NRDC: variants seen among roughly 807,000 people sequenced by gnomAD.
The protein encoded by NRDC is nardilysin.
NRDC carries 54 observed loss-of-function variants against 147.1 expected under a neutral mutation model. The ratio of observed to expected loss-of-function variants is 0.37; its 90% CI spans 0.29 to 0.46. The LOEUF (loss-of-function observed/expected upper bound fraction) is 0.46. Ranked by LOEUF, NRDC falls within the 20% of genes least tolerant of loss-of-function variation. The pLI, the probability that NRDC is intolerant of heterozygous loss-of-function variation, is 1.00. For missense variants in NRDC, 1,082 were observed against 1,370.6 expected, an observed-to-expected ratio of 0.79 and a Z score of 3.33; for synonymous variants, 440 against 482.1, an observed-to-expected ratio of 0.91 and a Z score of 1.14.
chr1:51,847,754 A>T (rs1309031088), intron 1 of NRDC, among the ~76,000 whole-genome samples: 1 of 151,812 alleles, frequency 6.6e-6, no homozygotes, highest in African/African-American at 2.4e-5. Flanking sequence ...CTCTCCCTCC[A>T]CACCTCCCCG....
intron 4 of NRDC, among the ~76,000 whole-genome samples, chr1:51,830,594 T>C (rs188856194): frequency 6.6e-6 from 1 of 152,226 alleles, no homozygotes; most frequent in African/African-American, 2.4e-5. Flanking sequence ...ATCTAGGCTA[T>C]AACTACTCAG....
intron 9 of NRDC, among the ~76,000 whole-genome samples, chr1:51,818,740 C>T (rs1437526731): frequency 6.6e-6 from 1 of 151,466 alleles, no homozygotes; most frequent in African/African-American, 2.4e-5. Context: ...AGACTGGTAA[C>T]GGGGTGAAGA....
chr1:51,815,754 A>C (rs1679941151), intron 11 of NRDC, among the ~76,000 whole-genome samples: 1 of 152,206 alleles, frequency 6.6e-6, no homozygotes, highest in Non-Finnish European at 1.5e-5. Context: ...AAATCAAACA[A>C]GGAATTACTT....
chr1:51,837,373 T>A (rs1005533738), intron 2 of NRDC: 2 of 1,050,840 alleles, frequency 1.9e-6, no homozygotes, highest in African/African-American at 3.2e-5. Flanking sequence ...CACTTGATAC[T>A]ATAAACCCCA....
chr1:51,836,321 CA>C (rs1231404144), intron 2 of NRDC, 109 bp from the exon 3 acceptor site: 1 of 1,597,056 alleles, frequency 6.3e-7, no homozygotes, highest in African/African-American at 1.3e-5. Context: ...ATAGGAGTAA[CA>C]AAATTCTTTC....
chr1:51,864,103 T>A (rs1682685247), intron 1 of NRDC, among the ~76,000 whole-genome samples: 1 of 152,168 alleles, frequency 6.6e-6, no homozygotes, highest in Admixed American at 6.5e-5. Context: ...ATCATATGGG[T>A]ACTCAAAGAT....
rs1323606063 is a variant in NRDC, at chr1:51,823,834, TAA to T, written c.1037-50_1037-49del. 7 of 1,420,586 alleles carry T rather than the reference TAA, an allele frequency of 4.9e-6. 1 individual carries two copies. In the South Asian group the frequency reaches 7.9e-5, roughly 16 times the overall value. 88.0% of individuals were successfully genotyped at this position (1,420,586 alleles called of 1,614,324 possible). A position where few individuals can be genotyped will look rare whatever the true frequency, so the allele number is the denominator to read the frequency against. ...ATAGATATAACTAAGTTAACTTTGTTAAAAGTCTTCTACATCATCAATGCATA... is the reference window on the plus strand; with the variant it reads ...ATAGATATAACTAAGTTAACTTTGTTAAGTCTTCTACATCATCAATGCATA... On this transcript the variant is annotated intron_variant, in intron 6 of 30. Transcript: ENST00000352171.
intron 17 of NRDC, among the ~76,000 whole-genome samples, chr1:51,808,108 T>C (rs1679551736): frequency 6.6e-6 from 1 of 151,964 alleles, no homozygotes; most frequent in Admixed American, 6.6e-5. Flanking sequence ...ACCTGGCCAA[T>C]ACTTTTTTAA....
intron 10 of NRDC, 125 bp downstream of exon 10, chr1:51,817,941 C>CT: frequency 1.5e-6 from 1 of 671,918 alleles, no homozygotes. Context: ...CCGGAGTAAT[C>CT]AAGTTCCAGG....
chr1:51,822,621 G>A (rs1680260299), intron 7 of NRDC, among the ~76,000 whole-genome samples: 1 of 152,160 alleles, frequency 6.6e-6, no homozygotes, highest in Non-Finnish European at 1.5e-5. Context: ...CATCATAGAG[G>A]AAGAGAATAC....
chr1:51,812,996 T>C (rs1410820211), intron 14 of NRDC, among the ~76,000 whole-genome samples: 1 of 149,270 alleles, frequency 6.7e-6, no homozygotes, highest in Non-Finnish European at 1.5e-5. Context: ...TCAAAATGTG[T>C]TGACTGGGCA....
Position 51,825,346 on chromosome 1 carries a change from T to C in NRDC, c.977A>G (p.Lys326Arg). 6.3e-7 allele frequency: 1 copy of C among 1,591,754 alleles called. No homozygotes were observed. Among genetic ancestry groups the C allele is most frequent in the Non-Finnish European group, 8.5e-7 (1 of 1,174,664 alleles). ...QLARPSDANR[K>R]EMLFGSLARP... ...AGCAAGGCTTCCAAACAACATTTCC[T>C]TTCTGTTTGCATCAGAAGGCCTTGC... Residue 326 changes from lysine (K) to arginine (R), a missense_variant, in exon 6 of 31, where the codon AAG becomes AGG. Coordinates refer to ENST00000352171, the MANE Select transcript of NRDC (RefSeq NM_001101662.2).
intron 29 of NRDC, among the ~76,000 whole-genome samples, chr1:51,790,114 T>C (rs950822689): frequency 4.3e-4 from 66 of 152,218 alleles, no homozygotes; most frequent in Non-Finnish European, 1.8e-4. Flanking sequence ...TTAACCAAAG[T>C]CACACTGGAG....
At chr1:51,871,515 TAAAAAAA>T (rs60495773) in intron 1 of NRDC, among the ~76,000 whole-genome samples, 5 of 21,018 alleles carry the variant, frequency 2.4e-4, no homozygotes, top group African/African-American at 3.1e-4. Flanking sequence ...ACTGGTTCAT[TAAAAAAA>T]AAAAAAAAAA....
At chr1:51,791,019 A>G (rs1158521450) in intron 27 of NRDC, 29 bp from the exon 28 acceptor site, 1 of 1,479,286 alleles carries the variant, frequency 6.8e-7, no homozygotes, top group Non-Finnish European at 9.4e-7. Flanking sequence ...AATCAGAACT[A>G]AAACAAAACA....
At chr1:51,791,501 G>T in intron 27 of NRDC, 77 bp downstream of exon 27, 1 of 1,254,504 alleles carries the variant, frequency 8.0e-7, no homozygotes. Flanking sequence ...GGTTGCCCAA[G>T]GTTTAAGGAA....
chr1:51,856,108 T>TAGGGAAATA (rs1288945989), intron 1 of NRDC, among the ~76,000 whole-genome samples: 1 of 152,238 alleles, frequency 6.6e-6, no homozygotes, highest in African/African-American at 2.4e-5. Context: ...CACATTCTTG[T>TAGGGAAATA]AGGGAAATAC....
chr1:51,865,335 C>T (rs924621781), intron 1 of NRDC, among the ~76,000 whole-genome samples: 25 of 150,914 alleles, frequency 1.7e-4, no homozygotes, highest in African/African-American at 5.8e-4. Flanking sequence ...GACGGAGTCT[C>T]GCTCTGTCAC....
chr1:51,815,673 G>A (rs572719044), intron 11 of NRDC, among the ~76,000 whole-genome samples: 2 of 150,908 alleles, frequency 1.3e-5, no homozygotes, highest in Admixed American at 1.3e-4. Context: ...TCTAGTACAC[G>A]AAAGTGTCTT....
Sources: allele counts gnomAD v4.1 joint callset (sites outside exome capture counted in the v4.1 genomes callset), GRCh38; gene constraint gnomAD v4.1.1; transcripts MANE v1.5; gene names NCBI Gene and HGNC (gene_info 2026-07-23, HGNC 2026-07-21).